The following FRMD6 variants were observed in gnomAD, a reference collection of about 807,000 sequenced individuals.
FRMD6 encodes the protein FERM domain containing 6, also known as FERM domain-containing protein 6.
A neutral mutation model predicts 73.2 loss-of-function variants in FRMD6; 37 were observed. That is an observed-to-expected ratio of 0.51 (90% CI 0.39 to 0.66). FRMD6 has a LOEUF of 0.66. FRMD6 is among the 30% of genes least tolerant of loss of function. The probability of loss-of-function intolerance (pLI) is 0.00; values close to 1 mark genes in which losing one functional copy is unlikely to be tolerated. For synonymous variants in FRMD6, 273 were observed against 282.2 expected (o/e 0.97, Z 0.33); for missense variants, 714 against 780.5 (o/e 0.91, Z 1.02).
intron 1 of FRMD6, among the ~76,000 whole-genome samples, chr14:51,497,492 C>G (rs1033342658): frequency 1.3e-5 from 2 of 152,140 alleles, no homozygotes; most frequent in Admixed American, 6.5e-5. Context: ...TACTAATGCT[C>G]TCTCCACACT....
chr14:51,443,813 C>G, the FRMD6 span, among the ~76,000 whole-genome samples: 1 of 152,158 alleles, frequency 6.6e-6, no homozygotes, highest in African/African-American at 2.4e-5. Context: ...CCAGGAATGC[C>G]AGAACAAGGC....
chr14:51,567,381 C>T (rs1279926696), intron 1 of FRMD6, among the ~76,000 whole-genome samples: 1 of 152,188 alleles, frequency 6.6e-6, no homozygotes, highest in Non-Finnish European at 1.5e-5. Context: ...AGGTTTCACT[C>T]TGTCACCCAG....
At chr14:51,500,506 A>G (rs1883554609) in intron 1 of FRMD6, among the ~76,000 whole-genome samples, 2 of 150,650 alleles carry the variant, frequency 1.3e-5, no homozygotes, top group Admixed American at 6.6e-5. Context: ...GCGACACTGC[A>G]CTCCAGCCTG....
intron 2 of FRMD6, among the ~76,000 whole-genome samples, chr14:51,629,346 C>T (rs530633685): frequency 6.6e-6 from 1 of 152,186 alleles, no homozygotes; most frequent in Non-Finnish European, 1.5e-5. Context: ...ACATACATGT[C>T]TTGGTGCCAA....
chr14:51,560,866 C>A (rs1413019593), intron 1 of FRMD6, among the ~76,000 whole-genome samples: 1 of 152,184 alleles, frequency 6.6e-6, no homozygotes, highest in Non-Finnish European at 1.5e-5. Flanking sequence ...CCACAAATTT[C>A]TCCAAACTCC....
intron 1 of FRMD6, among the ~76,000 whole-genome samples, chr14:51,539,233 A>G (rs896862202): frequency 6.6e-6 from 1 of 151,738 alleles, no homozygotes; most frequent in Non-Finnish European, 1.5e-5. Flanking sequence ...GAATTCTTCC[A>G]CCTAGTTAAC....
chr14:51,477,293 A>G, the FRMD6 span, among the ~76,000 whole-genome samples: 3 of 152,244 alleles, frequency 2.0e-5, no homozygotes, highest in Non-Finnish European at 4.4e-5. Context: ...ACACCATTTT[A>G]GGAGACAAGG....
At chr14:51,439,763 A>G in the FRMD6 span, among the ~76,000 whole-genome samples, 1 of 152,222 alleles carries the variant, frequency 6.6e-6, no homozygotes, top group Admixed American at 6.5e-5. Flanking sequence ...GCTCTAGCTA[A>G]GTAGAAGTCA....
chr14:51,687,012 G>A (rs549907486), intron 1 of FRMD6, among the ~76,000 whole-genome samples: 2 of 152,190 alleles, frequency 1.3e-5, no homozygotes, highest in East Asian at 3.9e-4. Flanking sequence ...AGAAAAAGCA[G>A]CAATGAAGCA....
chr14:51,497,703 A>G (rs1883384800), intron 1 of FRMD6, among the ~76,000 whole-genome samples: 2 of 152,244 alleles, frequency 1.3e-5, no homozygotes, highest in African/African-American at 4.8e-5. Context: ...AAACTTTTCC[A>G]TACTACATGT....
chr14:51,589,861 G>T (rs549910914), intron 2 of FRMD6, among the ~76,000 whole-genome samples: 2 of 152,308 alleles, frequency 1.3e-5, no homozygotes, highest in Non-Finnish European at 1.5e-5. Context: ...CTGAGGTCAG[G>T]AGTTCGAGAC....
the FRMD6 span, among the ~76,000 whole-genome samples, chr14:51,423,778 T>TC: frequency 1.1e-3 from 165 of 152,246 alleles, no homozygotes; most frequent in African/African-American, 3.9e-3. Flanking sequence ...GACATTTTTG[T>TC]CCCCCCTTTT....
Position 51,585,939 on chromosome 14 carries a change from G to GTGTGTGTGTGTATATA in FRMD6, c.-147+15530_-147+15531insGTGTGTGTGTATATAT. ...TGCCATGGCATGTGTGTGTGTGTGTGTATATATATATATATATATATAACA... is the reference window on the plus strand; with the variant it reads ...TGCCATGGCATGTGTGTGTGTGTGTGTGTGTGTGTGTATATATATATATATATATATATATATAACA... On this transcript the variant is annotated intron_variant, in intron 2 of 14. Coordinates refer to the FRMD6 transcript ENST00000356218. 1.7e-3 allele frequency among the ~76,000 whole-genome samples: 52 copies of GTGTGTGTGTGTATATA among 31,414 alleles called. 1 individual carries two copies. Among genetic ancestry groups the GTGTGTGTGTGTATATA allele is most frequent in the African/African-American group, 3.6e-3 (52 of 14,636 alleles). 20.6% of individuals were successfully genotyped at this position (31,414 alleles called of 152,430 possible). A position where few individuals can be genotyped will look rare whatever the true frequency, so the allele number is the denominator to read the frequency against.
intron 2 of FRMD6, among the ~76,000 whole-genome samples, chr14:51,697,251 A>G (rs754231525): frequency 1.3e-5 from 2 of 152,186 alleles, no homozygotes; most frequent in Non-Finnish European, 2.9e-5. Flanking sequence ...CAGTCAAGGT[A>G]TGGAATCAAC....
chr14:51,462,775 T>G, the FRMD6 span, among the ~76,000 whole-genome samples: 1 of 145,904 alleles, frequency 6.9e-6, no homozygotes, highest in African/African-American at 2.6e-5. Flanking sequence ...AGGAAGAAAA[T>G]AAGGGAGGAA....
Position 51,651,936 on chromosome 14 carries a change from T to C in FRMD6, c.-207T>C, listed in dbSNP as rs1401637363. 6.6e-6 allele frequency: 1 copy of C among 151,592 alleles called. No homozygotes were observed. The highest frequency in any genetic ancestry group is 1.5e-5 in the Non-Finnish European group (1 of 67,988). 9.4% of individuals were successfully genotyped at this position (151,592 alleles called of 1,614,324 possible). The stretch of plus-strand genomic sequence containing the variant: ...AGGAGTGGGGCAGGCTCGGCGCCGG[T>C]AGGAAGAGTCAGAGGGGTGACCAGA... On this transcript the variant is annotated 5_prime_UTR_variant, in exon 1 of 14. Coordinates refer to ENST00000344768, the MANE Select transcript of FRMD6 (RefSeq NM_001267046.2).
chr14:51,425,615 C>T, the FRMD6 span, among the ~76,000 whole-genome samples: 1 of 152,188 alleles, frequency 6.6e-6, no homozygotes, highest in African/African-American at 2.4e-5. Flanking sequence ...TTCCACACAG[C>T]CTCTTCTTCC....
chr14:51,581,045 T>C (rs756103488), intron 2 of FRMD6, among the ~76,000 whole-genome samples: 3 of 152,176 alleles, frequency 2.0e-5, no homozygotes, highest in Non-Finnish European at 4.4e-5. Flanking sequence ...GTGGAAATGA[T>C]AGACTGGCTG....
intron 1 of FRMD6, among the ~76,000 whole-genome samples, chr14:51,504,174 C>T (rs1265914227): frequency 2.6e-4 from 40 of 152,312 alleles, no homozygotes; most frequent in African/African-American, 8.9e-4. Flanking sequence ...AGTCAGGCTA[C>T]TCTACCATAG....
Sources: gnomAD v4.1 joint callset for allele counts (sites outside exome capture counted in the v4.1 genomes callset) on GRCh38, gnomAD v4.1.1 for gene constraint, MANE v1.5 for transcripts, NCBI Gene and HGNC (gene_info 2026-07-23, HGNC 2026-07-21) for gene names.